Variants in PPFIBP2 observed in about 807,000 individuals in gnomAD.
The protein encoded by PPFIBP2 is PPFIB scaffold protein 2, also known as liprin-beta-2.
PPFIBP2 carries 118 observed loss-of-function variants against 118.3 expected under a neutral mutation model. The ratio of observed to expected loss-of-function variants is 1.00; its 90% confidence interval spans 0.86 to 1.16. The LOEUF (loss-of-function observed/expected upper bound fraction) is 1.16, where lower values mean the gene tolerates loss of function less well. Ranked by LOEUF, PPFIBP2 falls within the 50% of genes most tolerant of loss-of-function variation. The pLI is 0.00. For synonymous variants in PPFIBP2, 414 were observed against 397.4 expected (o/e 1.04, Z -0.50); for missense variants, 1,195 against 1,073.1 (o/e 1.11, Z -1.59).
chr11:7,603,800 T>C (rs890204304), intron 5 of PPFIBP2, among the ~76,000 whole-genome samples: 8 of 152,318 alleles, frequency 5.3e-5, no homozygotes, highest in Middle Eastern at 6.8e-3. Context: ...TGATTTTTTT[T>C]CTAAACCTTT....
intron 2 of PPFIBP2, among the ~76,000 whole-genome samples, chr11:7,550,502 G>A (rs1420477869): frequency 6.6e-6 from 1 of 152,184 alleles, no homozygotes; most frequent in African/African-American, 2.4e-5. Context: ...GTGTCTTGCA[G>A]CTTCTTCAGG....
At position 7,597,399 on chromosome 11, in the gene PPFIBP2, C is replaced by T. The variant is rs780975982; in HGVS notation, c.373-161C>T. On this transcript the variant is annotated intron_variant, in intron 4 of 23. Transcript: ENST00000299492. ...GTAAGAATCTAACTGCAGCTGCCTT[C>T]GTTCAGGACACTTCCTCCACCTGCC... The T allele has an allele frequency of 1.1e-4, 172 of 1,538,168 alleles. No individual in the cohort carries two copies. In the East Asian group the frequency reaches 1.4e-3, roughly 13 times the overall value.
At chr11:7,537,500 T>C (rs1403488728) in intron 1 of PPFIBP2, among the ~76,000 whole-genome samples, 2 of 152,176 alleles carry the variant, frequency 1.3e-5, no homozygotes, top group African/African-American at 4.8e-5. Context: ...GGCAGCCAAA[T>C]CTTAGAACGT....
In PPFIBP2 at chr11:7,616,551, C is replaced by T. The variant is rs980063315; in HGVS notation, c.619-4384C>T. 3.3e-5 allele frequency among the ~76,000 whole-genome samples: 5 copies of T among 152,128 alleles called. No individual in the cohort carries two copies. The South Asian group carries it at 6.2e-4, about 19-fold the overall frequency. ...ACATTTCAGTGAAGTGTTGCAAAAA[C>T]GTTGCTTGAGATAATCTTGTAGACA... is the stretch of plus-strand genomic sequence containing the variant. On this transcript the variant is annotated intron_variant, in intron 6 of 23. Transcript: ENST00000299492. This position sits in a 1 kb window ranked among gnomAD's most constrained non-coding sequence, Gnocchi z 5.2.
At chr11:7,590,393 AC>A (rs1859024298) in intron 3 of PPFIBP2, among the ~76,000 whole-genome samples, 1 of 152,000 alleles carries the variant, frequency 6.6e-6, no homozygotes, top group African/African-American at 2.4e-5. Flanking sequence ...ATTTTGAAGG[AC>A]CTGTAGAAGA....
intron 3 of PPFIBP2, among the ~76,000 whole-genome samples, chr11:7,586,761 C>A (rs1298026279): frequency 6.6e-6 from 1 of 152,188 alleles, no homozygotes; most frequent in East Asian, 1.9e-4. Context: ...GGAAGCACCA[C>A]AAGAAAGTCC....
intron 3 of PPFIBP2, among the ~76,000 whole-genome samples, chr11:7,569,240 C>CTAAA (rs1170752974): frequency 1.3e-5 from 2 of 152,224 alleles, no homozygotes; most frequent in Non-Finnish European, 2.9e-5. Flanking sequence ...CCTGGCAGAG[C>CTAAA]TAAAGCACAG....
At chr11:7,528,458 GCC>G (rs1242908389) in intron 1 of PPFIBP2, among the ~76,000 whole-genome samples, 1 of 152,170 alleles carries the variant, frequency 6.6e-6, no homozygotes, top group Non-Finnish European at 1.5e-5. Flanking sequence ...GGCAAGATAA[GCC>G]TGAATCTTCT....
intron 3 of PPFIBP2, among the ~76,000 whole-genome samples, chr11:7,588,855 T>C (rs920399163): frequency 2.0e-5 from 3 of 152,222 alleles, no homozygotes; most frequent in African/African-American, 7.2e-5. Context: ...AGTTCCGTGA[T>C]ATAGGAGAGG....
At chr11:7,666,576 GC>G in the PPFIBP2 span, 1 of 1,555,978 alleles carries the variant, frequency 6.4e-7, no homozygotes, top group Non-Finnish European at 8.9e-7. Context: ...CACTGAAAAA[GC>G]CCCTCCAGGG....
At chr11:7,639,893 G>A (rs1400771256) in intron 15 of PPFIBP2, 23 bp downstream of exon 15, 1 of 1,608,886 alleles carries the variant, frequency 6.2e-7, no homozygotes, top group Non-Finnish European at 8.5e-7. Context: ...CCCTGGTGCT[G>A]GTGGCCTCTG....
the PPFIBP2 span, chr11:7,665,942 G>T: frequency 6.5e-7 from 1 of 1,534,786 alleles, no homozygotes; most frequent in Non-Finnish European, 8.7e-7. Context: ...CCAGGGACCT[G>T]TATGACAAGC....
At chr11:7,577,330 T>TGCGTGTGTGTGC (rs72088699) in intron 3 of PPFIBP2, 286 of 246,956 alleles carry the variant, frequency 1.2e-3, no homozygotes, top group African/African-American at 8.2e-3. Flanking sequence ...CGTGTGTGTG[T>TGCGTGTGTGTGC]GTGTGTGTGT....
chr11:7,649,622 C>A lies in PPFIBP2; in HGVS notation c.2089C>A (p.Pro697Thr). 6.2e-7 allele frequency: 1 copy of A among 1,614,234 alleles called. No homozygotes were observed. The highest frequency in any genetic ancestry group is 8.5e-7 in the Non-Finnish European group (1 of 1,180,054). Residue 697 changes from proline (P) to threonine (T), a missense_variant, in exon 21 of 24, where the codon CCC (proline) becomes ACC (threonine). Physicochemically the swap from Pro to Thr is conservative, Grantham distance 38 (BLOSUM62 -1). Transcript: ENST00000299492. ...CGTGCTGCATGTCAACAAGTTCAAC[C>A]CCCACTGCCTGCACCGGCGGCCAGC... ...IHVLHVNKFN[P>T]HCLHRRPADE...
rs180796556 is a variant in PPFIBP2 at position 7,628,362 on chromosome 11, G to A, written c.888+16G>A. The A allele has an allele frequency of 8.2e-5, 133 of 1,612,196 alleles. No homozygotes were observed. The African/African-American group carries it at 1.5e-3, about 19-fold the overall frequency. On this transcript the variant is annotated intron_variant, in intron 9 of 23. Transcript: ENST00000299492. The stretch of plus-strand genomic sequence containing the variant: ...TGAAGATAAGGTAAGATGGTCATTG[G>A]GTAGCCCTGTCTTTTCCATGCTTAC...
Position 7,653,635 on chromosome 11 carries a change from T to A in PPFIBP2, c.*417T>A, listed in dbSNP as rs1854401886. On this transcript the variant is annotated 3_prime_UTR_variant, in exon 24 of 24. Coordinates refer to ENST00000299492, the MANE Select transcript of PPFIBP2 (RefSeq NM_003621.5). ...TGCCTTAGGCCCGTGGACCACAGTCTTGGCTGAGATCAAAGGGATGAGCAA... is the reference window on the plus strand; with the variant it reads ...TGCCTTAGGCCCGTGGACCACAGTCATGGCTGAGATCAAAGGGATGAGCAA... The A allele has an allele frequency of 4.6e-6, 6 of 1,294,128 alleles. No homozygotes were observed. The highest frequency in any genetic ancestry group is 5.0e-6 in the Non-Finnish European group (5 of 992,306). 80.2% of individuals were successfully genotyped at this position (1,294,128 alleles called of 1,614,324 possible).
chr11:7,639,427 C>T (rs1315632484), intron 14 of PPFIBP2, among the ~76,000 whole-genome samples: 13 of 152,188 alleles, frequency 8.5e-5, no homozygotes, highest in Non-Finnish European at 1.6e-4. Flanking sequence ...TCTCTGAGCA[C>T]TAGGCCAGAC....
At chr11:7,577,013 TAAAC>T (rs1427123228) in intron 3 of PPFIBP2, 2 of 152,664 alleles carry the variant, frequency 1.3e-5, no homozygotes, top group African/African-American at 4.8e-5. Flanking sequence ...CAGTCCCAAA[TAAAC>T]TGAGAGCAGC....
intron 4 of PPFIBP2, among the ~76,000 whole-genome samples, chr11:7,594,916 C>CAAA (rs58084975): frequency 1.1e-3 from 72 of 63,898 alleles, no homozygotes; most frequent in African/African-American, 1.9e-3. Flanking sequence ...GACTCCATCT[C>CAAA]AAAAAAAAAA....
Sources: gnomAD v4.1 joint callset for allele counts (sites outside exome capture counted in the v4.1 genomes callset) on GRCh38, gnomAD v4.1.1 for gene constraint, Gnocchi (gnomAD v3.1) non-coding constraint, MANE v1.5 for transcripts, NCBI Gene and HGNC (gene_info 2026-07-23, HGNC 2026-07-21) for gene names.